The following FSTL4 variants were observed in gnomAD, a reference collection of about 807,000 sequenced individuals.
FSTL4 encodes follistatin like 4.
FSTL4 carries 28 observed loss-of-function variants against 78.2 expected under a neutral mutation model. The observed-to-expected ratio is 0.36, with a 90% CI of 0.27 to 0.49. The LOEUF (loss-of-function observed/expected upper bound fraction) is 0.49, where lower values mean the gene tolerates loss of function less well. Ranked by LOEUF, FSTL4 falls within the 20% of genes least tolerant of loss-of-function variation. FSTL4 has a pLI of 0.98. For missense variants in FSTL4, 922 were observed against 1,084.9 expected, an observed-to-expected ratio of 0.85 and a Z score of 2.11; for synonymous variants, 422 against 440.5, an observed-to-expected ratio of 0.96 and a Z score of 0.53.
chr5:133,774,888 A>G, the FSTL4 span, among the ~76,000 whole-genome samples: 1 of 152,210 alleles, frequency 6.6e-6, no homozygotes, highest in African/African-American at 2.4e-5. Flanking sequence ...AAAATGGATG[A>G]TAAATCTTGC....
intron 7 of FSTL4, among the ~76,000 whole-genome samples, chr5:133,245,121 TAAA>T (rs11315228): frequency 1.3e-4 from 12 of 91,444 alleles, no homozygotes; most frequent in African/African-American, 2.4e-4. Flanking sequence ...CCCTACTGCC[TAAA>T]AAAAAAAAAA....
intron 6 of FSTL4, among the ~76,000 whole-genome samples, chr5:133,301,858 G>C (rs1753549338): frequency 6.6e-6 from 1 of 152,092 alleles, no homozygotes; most frequent in African/African-American, 2.4e-5. Context: ...GCCCAAAATG[G>C]AAAGCCATTA....
intron 4 of FSTL4, among the ~76,000 whole-genome samples, chr5:133,351,176 T>C (rs1022323273): frequency 2.6e-5 from 4 of 152,222 alleles, no homozygotes; most frequent in African/African-American, 4.8e-5. Context: ...TATTATTCCA[T>C]TGTGTTCTGG....
the FSTL4 span, among the ~76,000 whole-genome samples, chr5:133,701,509 A>ACACCCCC: frequency 1.3e-3 from 177 of 132,664 alleles, 1 homozygote; most frequent in Non-Finnish European, 2.0e-3. Context: ...ACACACACAC[A>ACACCCCC]CCCCACAGGC....
At chr5:133,689,426 C>T in the FSTL4 span, among the ~76,000 whole-genome samples, 7 of 152,232 alleles carry the variant, frequency 4.6e-5, no homozygotes, top group Non-Finnish European at 7.3e-5. Context: ...ACTTCAAATT[C>T]AGTAAGCCTT....
At chr5:133,797,223 T>C in the FSTL4 span, among the ~76,000 whole-genome samples, 1 of 152,184 alleles carries the variant, frequency 6.6e-6, no homozygotes, top group Non-Finnish European at 1.5e-5. Context: ...ACATGGAAGG[T>C]AGACATTGAT....
Position 133,312,738 on chromosome 5 carries a change from C to A in FSTL4, c.643G>T (p.Gly215Cys), listed in dbSNP as rs760609240. The A allele has an allele frequency of 5.0e-6, 8 of 1,613,732 alleles. No homozygotes were observed. Among genetic ancestry groups the A allele is most frequent in the African/African-American group, 4.0e-5 (3 of 74,924 alleles). ...KKQDLDEDLL[G>C]CSPGDLLRFD... Reference sequence around the variant, plus strand: ...CGGAGGAGGTCACCTGGTGAGCAACCAAGTAAGTCTTCATCCAGGTCCTGC... The same window carrying A: ...CGGAGGAGGTCACCTGGTGAGCAACAAAGTAAGTCTTCATCCAGGTCCTGC... Residue 215 changes from glycine (G) to cysteine (C), a missense_variant, in exon 6 of 16, where the codon GGT becomes TGT. Transcript: ENST00000265342.
chr5:133,622,018 T>C, the FSTL4 span, among the ~76,000 whole-genome samples: 1 of 152,114 alleles, frequency 6.6e-6, no homozygotes, highest in Non-Finnish European at 1.5e-5. Context: ...TTCTGTGGCT[T>C]TTTTATGCCC....
At chr5:133,824,011 A>G in the FSTL4 span, among the ~76,000 whole-genome samples, 1 of 152,244 alleles carries the variant, frequency 6.6e-6, no homozygotes, top group African/African-American at 2.4e-5. Context: ...GACGGGACAA[A>G]GACCAAAGTG....
intron 6 of FSTL4, among the ~76,000 whole-genome samples, chr5:133,293,324 C>T (rs1753312430): frequency 6.6e-6 from 1 of 152,242 alleles, no homozygotes; most frequent in African/African-American, 2.4e-5. Flanking sequence ...CTTCTACAGT[C>T]TCTGGAGTTT....
the FSTL4 span, among the ~76,000 whole-genome samples, chr5:133,837,920 C>T: frequency 2.6e-5 from 4 of 152,028 alleles, no homozygotes; most frequent in East Asian, 7.7e-4. Context: ...CAGAGTCTTG[C>T]TCTGTCACCC....
At chr5:133,753,691 G>T in the FSTL4 span, among the ~76,000 whole-genome samples, 474 of 46,920 alleles carry the variant, frequency 0.01, 3 homozygotes, top group Middle Eastern at 0.11. Context: ...TTCTGTGTGT[G>T]TGTGTGTGTG....
chr5:133,737,602 C>CTTTTT, the FSTL4 span, among the ~76,000 whole-genome samples: 12 of 117,624 alleles, frequency 1.0e-4, 1 homozygote, highest in African/African-American at 9.8e-5. Flanking sequence ...GGCTGATTTC[C>CTTTTT]TTTTTTTTTT....
Position 133,582,702 on chromosome 5 carries a change from C to T in FSTL4, c.127-15483G>A, listed in dbSNP as rs111748987. Among the ~76,000 whole-genome samples, 1,210 of 152,300 alleles carry T rather than the reference C, an allele frequency of 7.9e-3. 18 individuals are homozygous for T. Among genetic ancestry groups the T allele is most frequent in the African/African-American group, 0.028 (1,155 of 41,558 alleles). ...CACCTCTTCTTCCTTCCATGCTAGG[C>T]TCTTACCCATGACTTTCTCTCAGCC... On this transcript the variant is annotated intron_variant, in intron 2 of 15. Transcript: ENST00000265342.
At chr5:133,409,421 C>T (rs1369036662) in intron 3 of FSTL4, among the ~76,000 whole-genome samples, 1 of 152,206 alleles carries the variant, frequency 6.6e-6, no homozygotes, top group Admixed American at 6.5e-5. Flanking sequence ...GTCATCTCCC[C>T]ATCTGCTGTC....
chr5:133,457,486 ATC>A (rs997855389), intron 3 of FSTL4, among the ~76,000 whole-genome samples: 1 of 152,246 alleles, frequency 6.6e-6, no homozygotes, highest in African/African-American at 2.4e-5. Context: ...AATGTTTGAA[ATC>A]TGTGTCCTTT....
the FSTL4 span, among the ~76,000 whole-genome samples, chr5:133,663,007 C>G: frequency 6.6e-6 from 1 of 152,110 alleles, no homozygotes; most frequent in Non-Finnish European, 1.5e-5. Context: ...ACATATTGTA[C>G]AATTCCAACA....
chr5:133,472,731 T>C (rs944179911), intron 3 of FSTL4, among the ~76,000 whole-genome samples: 1 of 152,220 alleles, frequency 6.6e-6, no homozygotes, highest in African/African-American at 2.4e-5. Flanking sequence ...ACTTTCAGAA[T>C]CAGCTTATAG....
the FSTL4 span, among the ~76,000 whole-genome samples, chr5:133,709,790 C>G: frequency 2.0e-5 from 3 of 152,202 alleles, no homozygotes; most frequent in African/African-American, 7.2e-5. Context: ...GCTCATGTCC[C>G]CAGCCAGTTC....
Sources: gnomAD v4.1 joint callset for allele counts (sites outside exome capture counted in the v4.1 genomes callset) on GRCh38, gnomAD v4.1.1 for gene constraint, MANE v1.5 for transcripts, NCBI Gene and HGNC (gene_info 2026-07-23, HGNC 2026-07-21) for gene names.